PPP2R5B: variants seen among roughly 807,000 people sequenced by gnomAD.
The protein encoded by PPP2R5B is serine/threonine-protein phosphatase 2A 56 kDa regulatory subunit beta isoform.
PPP2R5B carries 19 observed loss-of-function variants against 59.9 expected under a neutral mutation model. That is an observed-to-expected ratio of 0.32 (90% CI 0.22 to 0.47). The LOEUF (loss-of-function observed/expected upper bound fraction) is 0.47. Ranked by LOEUF, PPP2R5B falls within the 20% of genes least tolerant of loss-of-function variation. The pLI, the probability that PPP2R5B is intolerant of heterozygous loss-of-function variation, is 1.00. For synonymous variants in PPP2R5B, 286 were observed against 260.5 expected (o/e 1.10, Z -0.94); for missense variants, 441 against 640.2 (o/e 0.69, Z 3.36).
intron 8 of PPP2R5B, among the ~76,000 whole-genome samples, chr11:64,930,933 G>A (rs1005655783): frequency 6.6e-6 from 1 of 152,022 alleles, no homozygotes; most frequent in African/African-American, 2.4e-5. Context: ...GAGAGCAGTG[G>A]TATGAACATG....
intron 2 of PPP2R5B, 120 bp downstream of exon 2, chr11:64,926,053 T>C: frequency 9.6e-7 from 1 of 1,045,704 alleles, no homozygotes; most frequent in Non-Finnish European, 1.4e-6. Flanking sequence ...CCCTCCAGGC[T>C]AGGTTCTCCG....
rs750257738 is a variant in PPP2R5B at position 64,927,829 on chromosome 11, C to G, written c.424C>G (p.Pro142Ala). 5.0e-6 allele frequency: 8 copies of G among 1,611,986 alleles called. No homozygotes were observed. Among genetic ancestry groups the G allele is most frequent in the Non-Finnish European group, 6.8e-6 (8 of 1,178,078 alleles). The change falls in exon 4 of 14, where the codon CCG (proline) becomes GCG (alanine). Residue 142 changes from proline (P) to alanine (A), a missense_variant. Pro to Ala is a conservative substitution (Grantham distance 27, BLOSUM62 -1). Coordinates refer to ENST00000164133, the MANE Select transcript of PPP2R5B (RefSeq NM_006244.4). ...MISVNIFRTLPPSENPEFDPE... is the reference protein window; with the variant it reads ...MISVNIFRTLAPSENPEFDPE... ...CTCAGTGAATATCTTCCGGACTCTGCCGCCCAGTGAGAACCCTGAATTTGA... is the reference window on the plus strand; with the variant it reads ...CTCAGTGAATATCTTCCGGACTCTGGCGCCCAGTGAGAACCCTGAATTTGA...
upstream of PPP2R5B, among the ~76,000 whole-genome samples, chr11:64,921,840 T>A (rs979180891): frequency 6.6e-5 from 10 of 152,250 alleles, no homozygotes; most frequent in African/African-American, 2.4e-4. Flanking sequence ...TGTTGGATTG[T>A]ACAACTGAAA....
rs2136680449 is a variant in PPP2R5B, at chr11:64,926,692, G to C, written c.200-20G>C. On this transcript the variant is annotated intron_variant, in intron 2 of 13. Coordinates refer to ENST00000164133, the MANE Select transcript of PPP2R5B (RefSeq NM_006244.4). ...CTGGGGGAGCTGGGGCCCAGGCCCA[G>C]GATGCCCTCTCCTCCCCAGATGTGC... 1.2e-6 allele frequency: 2 copies of C among 1,611,694 alleles called. No individual in the cohort carries two copies. Among genetic ancestry groups the C allele is most frequent in the Non-Finnish European group, 1.7e-6 (2 of 1,178,426 alleles).
At chr11:64,919,556 T>C (rs1051746148) in intron 1 of PPP2R5B, among the ~76,000 whole-genome samples, 4 of 150,326 alleles carry the variant, frequency 2.7e-5, no homozygotes, top group Admixed American at 2.0e-4. Context: ...CTGGGCAACA[T>C]AGCTGAATCC....
In PPP2R5B at chr11:64,924,739, G is replaced by A. The variant is rs1945140384; in HGVS notation, c.-554G>A. 1 of 152,302 alleles carries A rather than the reference G, an allele frequency of 6.6e-6. No homozygotes were observed. Among genetic ancestry groups the A allele is most frequent in the Non-Finnish European group, 1.5e-5 (1 of 68,100 alleles). The allele number at this position is 152,302 out of a possible 1,614,324, so 9.4% of individuals were successfully genotyped here. A position where few individuals can be genotyped will look rare whatever the true frequency, so the allele number is the denominator to read the frequency against. ...CGGGTGCCGGTGCGCACGGAGCCGA[G>A]CCGGGGCTCCCGTTGCGCTGCACCG... is the stretch of plus-strand genomic sequence containing the variant. On this transcript the variant is annotated 5_prime_UTR_variant, in exon 1 of 14. Transcript: ENST00000164133.
rs192880468 is a variant in PPP2R5B at position 64,934,436 on chromosome 11, T to C, written c.*592T>C. 2 of 401,882 alleles carry C rather than the reference T, an allele frequency of 5.0e-6. No individual in the cohort carries two copies. The highest frequency in any genetic ancestry group is 2.0e-5 in the African/African-American group (1 of 49,136). The allele number at this position is 401,882 out of a possible 1,614,324, so 24.9% of individuals were successfully genotyped here. ...ACAGTAATCATGGTCTACTCCTCTT[T>C]CCGTGGCTGGGGGTAGACTTAATAA... On this transcript the variant is annotated 3_prime_UTR_variant, in exon 14 of 14. Transcript: ENST00000164133.
chr11:64,922,516 T>C (rs684250), upstream of PPP2R5B, among the ~76,000 whole-genome samples: 144,426 of 151,990 alleles, frequency 0.95, 69,041 homozygotes, highest in East Asian at 1. Flanking sequence ...AAATGTTCAA[T>C]CTTGCATCCT....
intron 1 of PPP2R5B, among the ~76,000 whole-genome samples, chr11:64,919,589 A>AG: frequency 6.6e-6 from 1 of 151,760 alleles, no homozygotes; most frequent in South Asian, 2.1e-4. Context: ...AAAAAAAAAA[A>AG]TGTTTCAAAA....
chr11:64,920,316 G>A (rs185902789), upstream of PPP2R5B, among the ~76,000 whole-genome samples: 22 of 152,304 alleles, frequency 1.4e-4, no homozygotes, highest in Admixed American at 8.5e-4. Context: ...CTGAACTGGT[G>A]GGCACATCCG....
chr11:64,933,949 AGAGTGG>A lies in PPP2R5B; in HGVS notation c.*106_*111del. The A allele has an allele frequency of 1.1e-5, 15 of 1,347,520 alleles. No homozygotes were observed. The highest frequency in any genetic ancestry group is 1.4e-5 in the Non-Finnish European group (14 of 1,031,502). The allele number at this position is 1,347,520 out of a possible 1,614,324, so 83.5% of individuals were successfully genotyped here. On this transcript the variant is annotated 3_prime_UTR_variant, in exon 14 of 14. Coordinates refer to ENST00000164133, the MANE Select transcript of PPP2R5B (RefSeq NM_006244.4). The stretch of plus-strand genomic sequence containing the variant: ...AAACACACCTACCCCTGGCCTTGCC[AGAGTGG>A]CTTCTGAGGACTCCCTGCCCAGCCC...
Position 64,925,970 on chromosome 11 carries a change from C to G in PPP2R5B, c.199+37C>G. On this transcript the variant is annotated intron_variant, in intron 2 of 13. Transcript: ENST00000164133. The surrounding 1 kb of genome is among the most constrained non-coding windows in gnomAD (Gnocchi z 4.6). ...GCTGGCCACTGGGGGAACCGAACCC[C>G]CGAGGGGACCAGCAGGGCCATGGGG... The G allele has an allele frequency of 6.3e-7, 1 of 1,587,906 alleles. No individual in the cohort carries two copies. The highest frequency in any genetic ancestry group is 8.6e-7 in the Non-Finnish European group (1 of 1,165,476).
Position 64,931,738 on chromosome 11 carries a change from AACCCACCCAG to A in PPP2R5B, c.997-10_997-1del. 1 of 1,614,054 alleles carries A rather than the reference AACCCACCCAG, an allele frequency of 6.2e-7. No individual in the cohort carries two copies. The highest frequency in any genetic ancestry group is 8.5e-7 in the Non-Finnish European group (1 of 1,179,964). On this transcript the variant is annotated splice_acceptor_variant and splice_polypyrimidine_tract_variant and intron_variant, in intron 10 of 13. Coordinates refer to ENST00000164133, the MANE Select transcript of PPP2R5B (RefSeq NM_006244.4). LOFTEE classifies it high-confidence loss of function. The surrounding 1 kb of genome is among the most constrained non-coding windows in gnomAD (Gnocchi z 5.0). ...CCCCTCTGTCCCTACTCCCCTCCCCAACCCACCCAGGTGATGTTTCTGGGGGAGATGGAAG... is the reference window on the plus strand; with the variant it reads ...CCCCTCTGTCCCTACTCCCCTCCCCAGTGATGTTTCTGGGGGAGATGGAAG...
In PPP2R5B at chr11:64,925,713, C is replaced by A. The variant is rs1339827708; in HGVS notation, c.-22C>A. On this transcript the variant is annotated 5_prime_UTR_variant, in exon 2 of 14. Coordinates refer to ENST00000164133, the MANE Select transcript of PPP2R5B (RefSeq NM_006244.4). The surrounding 1 kb of genome is among the most constrained non-coding windows in gnomAD (Gnocchi z 4.6). ...GAGAGAACCCCCGGGGCTCTGAAAG[C>A]TTGCCCTGCCGCCTGACCGCCATGG... 1.9e-6 allele frequency: 3 copies of A among 1,539,082 alleles called. No homozygotes were observed. The highest frequency in any genetic ancestry group is 1.8e-5 in the Admixed American group (1 of 57,036).
chr11:64,918,034 T>C (rs1375119549), intron 1 of PPP2R5B, among the ~76,000 whole-genome samples: 3 of 152,354 alleles, frequency 2.0e-5, no homozygotes, highest in Admixed American at 6.5e-5. Context: ...GTATGGTTTT[T>C]ATGTCTTTTA....
chr11:64,919,914 C>G (rs1003821901), upstream of PPP2R5B, among the ~76,000 whole-genome samples: 2 of 151,732 alleles, frequency 1.3e-5, no homozygotes, highest in South Asian at 2.1e-4. Context: ...TGCTGTGGAG[C>G]GAATGAATGA....
Position 64,930,306 on chromosome 11 carries a change from C to T in PPP2R5B, c.723-16C>T, listed in dbSNP as rs147057792. On this transcript the variant is annotated splice_polypyrimidine_tract_variant and intron_variant, in intron 6 of 13. Transcript: ENST00000164133. ...ACCCTGCTTGCTTTGAGCCCACCTG[C>T]GTTCTTCTCTTGCAGGTTCATCTAT... 1,098 of 1,613,850 alleles carry T rather than the reference C, an allele frequency of 6.8e-4. 5 individuals carry two copies. In the African/African-American group the frequency reaches 0.013, roughly 19 times the overall value.
rs1325193145 is a variant in PPP2R5B at position 64,933,701 on chromosome 11, C to G, written c.1351C>G (p.Gln451Glu). 6.4e-7 allele frequency: 1 copy of G among 1,553,610 alleles called. No homozygotes were observed. The highest frequency in any genetic ancestry group is 2.4e-5 in the East Asian group (1 of 41,266). The stretch of plus-strand genomic sequence containing the variant: ...TGCCTCACCCTCTCTCCCCAGGGAG[C>G]AGCAGAAGGCCCAGGAGCGTCAGGA... Reference protein sequence around the residue: ...ASYKLEKQQEQQKAQERQELW... With the variant: ...ASYKLEKQQEEQKAQERQELW... Residue 451 changes from glutamine (Q) to glutamate (E), a missense_variant, in exon 14 of 14, where the codon CAG (glutamine) becomes GAG (glutamate). By Grantham distance (29) the Gln-to-Glu change is conservative. Transcript: ENST00000164133.
upstream of PPP2R5B, among the ~76,000 whole-genome samples, chr11:64,923,470 G>A (rs1408396890): frequency 1.3e-5 from 2 of 152,212 alleles, no homozygotes; most frequent in Admixed American, 1.3e-4. Flanking sequence ...CCTGCCGGAG[G>A]TTCCTGAGCA....
Sources: allele counts gnomAD v4.1 joint callset (sites outside exome capture counted in the v4.1 genomes callset), GRCh38; gene constraint gnomAD v4.1.1; non-coding constraint Gnocchi (gnomAD v3.1); transcripts MANE v1.5; gene names NCBI Gene and HGNC (gene_info 2026-07-23, HGNC 2026-07-21).